The following TMED8 variants were observed in gnomAD, a reference collection of about 807,000 sequenced individuals.
TMED8 encodes transmembrane p24 trafficking protein family member 8.
In TMED8, 15 loss-of-function variants were observed where a neutral mutation model predicts 32.7. The observed-to-expected ratio is 0.46, with a 90% CI of 0.31 to 0.71. TMED8 has a LOEUF of 0.71. Among genes scored for constraint, TMED8 ranks in the 30% least tolerant of loss-of-function variants. The pLI is 0.06. For missense variants in TMED8, 390 were observed against 423.9 expected (o/e 0.92, Z 0.70); for synonymous variants, 147 against 161.4 (o/e 0.91, Z 0.68).
At position 77,341,937 on chromosome 14, in the gene TMED8, C is replaced by T; in HGVS notation, c.812G>A (p.Gly271Asp). 1 of 1,614,060 alleles carries T rather than the reference C, an allele frequency of 6.2e-7. No individual in the cohort carries two copies. The highest frequency in any genetic ancestry group is 1.1e-5 in the South Asian group (1 of 91,082). ...VERGSRSSLR[G>D]RYGEVMPVYR... is the part of the protein sequence containing the mutation. The stretch of plus-strand genomic sequence containing the variant: ...CACAGGCATGACCTCCCCATAGCGA[C>T]CCCGCAAGGAGCTCCTGGAGCCTCT... The change falls in exon 6 of 6, where the codon GGT becomes GAT. Residue 271 changes from glycine to aspartate, a missense_variant. Transcript: ENST00000216468.
Position 77,342,002 on chromosome 14 carries a change from A to T in TMED8, c.761-14T>A. 1 of 1,613,126 alleles carries T rather than the reference A, an allele frequency of 6.2e-7. No homozygotes were observed. The highest frequency in any genetic ancestry group is 1.7e-5 in the Admixed American group (1 of 59,962). ...CTGGAACGGGTTCTGCGTGAGCAAA[A>T]TGGCAAAGTGTTCAGAGACTGCGTA... On this transcript the variant is annotated splice_polypyrimidine_tract_variant and intron_variant, in intron 5 of 5. Coordinates refer to ENST00000216468, the MANE Select transcript of TMED8 (RefSeq NM_213601.3).
At chr14:77,351,589 G>A (rs555684722) in intron 2 of TMED8, 84 bp downstream of exon 2, 39 of 1,295,130 alleles carry the variant, frequency 3.0e-5, no homozygotes, top group African/African-American at 2.4e-4. Context: ...TTGCCTCCCC[G>A]CTTAAAGTCA....
intron 5 of TMED8, 74 bp from the exon 6 acceptor site, chr14:77,342,062 AC>A: frequency 7.5e-7 from 1 of 1,337,844 alleles, no homozygotes. Flanking sequence ...GGACCAGGTG[AC>A]CCAGTGGCTT....
At position 77,377,089 on chromosome 14, in the gene TMED8, G is replaced by C. The variant is rs1413660479; in HGVS notation, c.-36C>G. The C allele has an allele frequency of 3.9e-6, 5 of 1,284,574 alleles. No homozygotes were observed. Among genetic ancestry groups the C allele is most frequent in the Non-Finnish European group, 5.0e-6 (5 of 995,474 alleles). 79.6% of individuals were successfully genotyped at this position (1,284,574 alleles called of 1,614,324 possible). A position where few individuals can be genotyped will look rare whatever the true frequency, so the allele number is the denominator to read the frequency against. On this transcript the variant is annotated 5_prime_UTR_variant, in exon 1 of 6. Transcript: ENST00000216468. ...CGCACGGAGCTCTCCGCTGCCAGCC[G>C]CGAGTGGCTCCGGAAACAGCCGAAG... is the stretch of plus-strand genomic sequence containing the variant.
rs748535709 is a variant in TMED8 at position 77,343,290 on chromosome 14, G to T, written c.648C>A (p.Gly216=). ...GGGTCCAGTCAAAATAAACTCCAAA[G>T]CCAATGTCATAGTCATCGGTCGCAA... is the stretch of plus-strand genomic sequence containing the variant. The part of the protein sequence containing the change: ...WEFATDDYDI[G]FGVYFDWTPV... The change falls in exon 5 of 6, where the codon GGC becomes GGA. Residue 216 remains glycine (G), a synonymous_variant. Transcript: ENST00000216468. The T allele has an allele frequency of 3.1e-6, 5 of 1,614,166 alleles. No individual in the cohort carries two copies. In the South Asian group the frequency reaches 5.5e-5, roughly 18 times the overall value.
intron 1 of TMED8, among the ~76,000 whole-genome samples, chr14:77,372,940 ATATATATATATATTTTTTTTTTTTTT>A (rs1283757441): frequency 5.7e-4 from 15 of 26,450 alleles, no homozygotes; most frequent in Non-Finnish European, 7.9e-4. Context: ...ATATATATAT[ATATATATATATATTTTTTTTTTTTTT>A]TTTTTTTTTT....
In TMED8 at chr14:77,339,937, T is replaced by C. The variant is rs1357406956; in HGVS notation, c.*1834A>G. On this transcript the variant is annotated 3_prime_UTR_variant, in exon 6 of 6. Transcript: ENST00000216468. ...GACCCACTGGGAAGAGTCCCGTTCC[T>C]TGAGTTATGCTACTGTAGGGATAGA... is the stretch of plus-strand genomic sequence containing the variant. The C allele has an allele frequency of 6.6e-6, 1 of 151,584 alleles. No homozygotes were observed. Among genetic ancestry groups the C allele is most frequent in the East Asian group, 1.9e-4 (1 of 5,144 alleles). 9.4% of individuals were successfully genotyped at this position (151,584 alleles called of 1,614,324 possible). A position where few individuals can be genotyped will look rare whatever the true frequency, so the allele number is the denominator to read the frequency against.
intron 3 of TMED8, among the ~76,000 whole-genome samples, chr14:77,344,419 A>G (rs1892980753): frequency 6.6e-6 from 1 of 152,260 alleles, no homozygotes; most frequent in South Asian, 2.1e-4. Flanking sequence ...TTCTATCAAT[A>G]GTTACAATTT....
Position 77,338,664 on chromosome 14 carries a change from C to T in TMED8, c.*3107G>A, listed in dbSNP as rs1234601556. 3 of 152,218 alleles carry T rather than the reference C, an allele frequency of 2.0e-5. No individual in the cohort carries two copies. The highest frequency in any genetic ancestry group is 2.1e-4 in the South Asian group (1 of 4,828). The allele number at this position is 152,218 out of a possible 1,614,324, so 9.4% of individuals were successfully genotyped here. ...GTATAAAACTGTAACCCGACTACCT[C>T]GGGCACATGTTCTAAGAACCTCCTG... On this transcript the variant is annotated 3_prime_UTR_variant, in exon 6 of 6. Transcript: ENST00000216468.
chr14:77,356,004 T>A (rs1339860870), intron 1 of TMED8, among the ~76,000 whole-genome samples: 1 of 152,132 alleles, frequency 6.6e-6, no homozygotes, highest in South Asian at 2.1e-4. Flanking sequence ...AGTACAATGA[T>A]GCATTCAAGT....
At position 77,351,707 on chromosome 14, in the gene TMED8, C is replaced by G; in HGVS notation, c.163G>C (p.Ala55Pro). 1 of 1,613,168 alleles carries G rather than the reference C, an allele frequency of 6.2e-7. No homozygotes were observed. The highest frequency in any genetic ancestry group is 8.5e-7 in the Non-Finnish European group (1 of 1,179,586). ...GAGGAGCAGGGTTCTGGATCGGTGG[C>G]AGAAGCCAATAAAGAGGTATCCTTG... ...ENKDTSLLAS[A>P]TDPEPCSSPH... Residue 55 changes from alanine to proline, a missense_variant, in exon 2 of 6, where the codon GCC (alanine) becomes CCC (proline). Coordinates refer to ENST00000216468, the MANE Select transcript of TMED8 (RefSeq NM_213601.3).
intron 1 of TMED8, among the ~76,000 whole-genome samples, chr14:77,372,909 TATATATATATATA>T (rs1566696211): frequency 2.9e-3 from 23 of 8,030 alleles, no homozygotes; most frequent in African/African-American, 6.1e-3. Flanking sequence ...ACAGATATTA[TATATATATATATA>T]TATATATATA....
intron 2 of TMED8, 69 bp from the exon 3 acceptor site, chr14:77,346,547 T>C: frequency 6.3e-7 from 1 of 1,598,048 alleles, no homozygotes; most frequent in South Asian, 1.1e-5. Context: ...GGAGAAACTT[T>C]GAAATAAAAC....
chr14:77,343,219 T>G lies in TMED8; in HGVS notation c.719A>C (p.Asp240Ala). The stretch of plus-strand genomic sequence containing the variant: ...CTCTTCCTCTTCTTCATCCTCATCG[T>G]CACTGGAATCACTGACCTGCACAGT... ...DITVQVSDSS[D>A]DEDEEEEEEE... is the part of the protein sequence containing the mutation. Residue 240 changes from aspartate (D) to alanine (A), a missense_variant, in exon 5 of 6, where the codon GAC becomes GCC. Coordinates refer to ENST00000216468, the MANE Select transcript of TMED8 (RefSeq NM_213601.3). 6.2e-7 allele frequency: 1 copy of G among 1,614,212 alleles called. No homozygotes were observed. Among genetic ancestry groups the G allele is most frequent in the Non-Finnish European group, 8.5e-7 (1 of 1,180,034 alleles).
At chr14:77,353,626 T>C (rs1409878827) in intron 1 of TMED8, among the ~76,000 whole-genome samples, 1 of 143,242 alleles carries the variant, frequency 7.0e-6, no homozygotes, top group African/African-American at 2.6e-5. Flanking sequence ...GATTTTTTTC[T>C]TTTTTTTTTT....
chr14:77,349,106 CTTTT>C (rs33964835), intron 2 of TMED8, among the ~76,000 whole-genome samples: 3 of 91,964 alleles, frequency 3.3e-5, no homozygotes, highest in Non-Finnish European at 6.0e-5. Flanking sequence ...CTCTAAGGCC[CTTTT>C]TTTTTTTTTT....
intron 1 of TMED8, among the ~76,000 whole-genome samples, chr14:77,364,650 C>T (rs767337828): frequency 1.3e-5 from 2 of 152,178 alleles, no homozygotes; most frequent in Non-Finnish European, 2.9e-5. Context: ...GCCTCAGCCT[C>T]CCAAGTAGCT....
chr14:77,351,044 C>G (rs1026462892), intron 2 of TMED8, among the ~76,000 whole-genome samples: 3 of 152,124 alleles, frequency 2.0e-5, no homozygotes, highest in African/African-American at 7.2e-5. Flanking sequence ...AAGGGGAGAG[C>G]CTGGCCGGCA....
At chr14:77,347,706 T>C (rs1160967565) in intron 2 of TMED8, among the ~76,000 whole-genome samples, 1 of 152,210 alleles carries the variant, frequency 6.6e-6, no homozygotes, top group Non-Finnish European at 1.5e-5. Context: ...TGCTCAGCCA[T>C]GAATAGTTGA....
Sources: gnomAD v4.1 joint callset for allele counts (sites outside exome capture counted in the v4.1 genomes callset) on GRCh38, gnomAD v4.1.1 for gene constraint, MANE v1.5 for transcripts, NCBI Gene and HGNC (gene_info 2026-07-23, HGNC 2026-07-21) for gene names.